HS6ST3: variants seen among roughly 807,000 people sequenced by gnomAD.
HS6ST3 encodes the protein heparan-sulfate 6-O-sulfotransferase 3.
Under a neutral mutation model 36.7 loss-of-function variants are expected in HS6ST3, and 12 were observed. The ratio of observed to expected loss-of-function variants is 0.33; its 90% CI spans 0.21 to 0.53. HS6ST3 has a LOEUF of 0.53. HS6ST3 is among the 20% of genes least tolerant of loss of function. The pLI is 0.95. For synonymous variants in HS6ST3, 240 were observed against 257.5 expected (o/e 0.93, Z 0.65); for missense variants, 584 against 640.9 (o/e 0.91, Z 0.96).
chr13:96,184,294 A>AC (rs1255758128), intron 1 of HS6ST3, among the ~76,000 whole-genome samples: 3 of 152,080 alleles, frequency 2.0e-5, no homozygotes, highest in Non-Finnish European at 2.9e-5. Flanking sequence ...AATTAAAAAA[A>AC]ATTTTTTTAA....
chr13:96,437,908 T>C (rs1382706419), intron 1 of HS6ST3, among the ~76,000 whole-genome samples: 2 of 152,248 alleles, frequency 1.3e-5, no homozygotes, highest in East Asian at 3.8e-4. Flanking sequence ...CTAATTTTTC[T>C]TTCTTGCTTG....
chr13:96,378,036 G>C (rs1014103942), intron 1 of HS6ST3, among the ~76,000 whole-genome samples: 28 of 152,280 alleles, frequency 1.8e-4, no homozygotes, highest in African/African-American at 4.3e-4. Flanking sequence ...AGTCTTGTTA[G>C]TGTCATCTGA....
At chr13:96,779,737 G>T (rs568845816) in intron 1 of HS6ST3, among the ~76,000 whole-genome samples, 2 of 150,400 alleles carry the variant, frequency 1.3e-5, no homozygotes, top group African/African-American at 4.9e-5. Context: ...TGGCTTTGGG[G>T]CTTGTCCCAA....
At chr13:96,248,333 C>T (rs551818797) in intron 1 of HS6ST3, among the ~76,000 whole-genome samples, 2 of 152,236 alleles carry the variant, frequency 1.3e-5, no homozygotes, top group Admixed American at 6.5e-5. Context: ...ATCCTTTTCC[C>T]AGAGGGTTTG....
intron 1 of HS6ST3, among the ~76,000 whole-genome samples, chr13:96,188,289 C>T (rs2054273532): frequency 6.6e-6 from 1 of 152,058 alleles, no homozygotes. Context: ...GAATATTAGT[C>T]TTAATTTTAA....
intron 1 of HS6ST3, among the ~76,000 whole-genome samples, chr13:96,617,655 A>T (rs1008393782): frequency 1.3e-5 from 2 of 152,240 alleles, no homozygotes; most frequent in African/African-American, 4.8e-5. Flanking sequence ...CAAGAGATGA[A>T]CAGGATGCTA....
At chr13:96,335,082 C>G (rs1178613522) in intron 1 of HS6ST3, among the ~76,000 whole-genome samples, 1 of 152,064 alleles carries the variant, frequency 6.6e-6, no homozygotes, top group East Asian at 1.9e-4. Context: ...CCCATGGAGG[C>G]TGAGGATCTT....
intron 1 of HS6ST3, among the ~76,000 whole-genome samples, chr13:96,151,615 A>G (rs549782914): frequency 1.4e-4 from 22 of 152,376 alleles, no homozygotes; most frequent in African/African-American, 4.6e-4. Flanking sequence ...AAAGTGCTAC[A>G]CATTGGGTGG....
intron 1 of HS6ST3, among the ~76,000 whole-genome samples, chr13:96,745,936 C>A (rs978737647): frequency 6.6e-6 from 1 of 151,946 alleles, no homozygotes; most frequent in African/African-American, 2.4e-5. Flanking sequence ...AAAGCCCAGG[C>A]AGTGTGTTGT....
chr13:96,303,483 C>A (rs2054893648), intron 1 of HS6ST3, among the ~76,000 whole-genome samples: 1 of 152,138 alleles, frequency 6.6e-6, no homozygotes, highest in South Asian at 2.1e-4. Flanking sequence ...ATGTTACATT[C>A]ATTTCAATAG....
intron 1 of HS6ST3, among the ~76,000 whole-genome samples, chr13:96,142,366 C>G (rs1594692247): frequency 6.6e-6 from 1 of 152,022 alleles, no homozygotes; most frequent in Admixed American, 6.6e-5. Flanking sequence ...AAGTCATTCT[C>G]CTGGAAAACA....
At chr13:96,205,764 G>T (rs9525150) in intron 1 of HS6ST3, among the ~76,000 whole-genome samples, 75,562 of 151,826 alleles carry the variant, frequency 0.5, 18,962 homozygotes, top group Admixed American at 0.58. Flanking sequence ...AATTCAACAT[G>T]CCTTCATGTT....
chr13:96,309,932 G>A (rs956180382), intron 1 of HS6ST3, among the ~76,000 whole-genome samples: 1 of 151,840 alleles, frequency 6.6e-6, no homozygotes, highest in African/African-American at 2.4e-5. Context: ...TAGGTATAGT[G>A]GATATATAGT....
chr13:96,315,660 A>G (rs536957871), intron 1 of HS6ST3, among the ~76,000 whole-genome samples: 20 of 144,646 alleles, frequency 1.4e-4, no homozygotes, highest in Middle Eastern at 3.8e-3. Context: ...CTGTTACCCA[A>G]TATAACAAAT....
At chr13:96,651,814 A>C (rs1373732498) in intron 1 of HS6ST3, among the ~76,000 whole-genome samples, 1 of 152,072 alleles carries the variant, frequency 6.6e-6, no homozygotes, top group East Asian at 1.9e-4. Flanking sequence ...CCATGTTCTA[A>C]CCTTGGCTCT....
chr13:96,289,103 A>C (rs977595944), intron 1 of HS6ST3, among the ~76,000 whole-genome samples: 1 of 152,226 alleles, frequency 6.6e-6, no homozygotes, highest in South Asian at 2.1e-4. Context: ...AGAAAGCCAC[A>C]GAATTTATAG....
chr13:96,113,651 T>A (rs2053880719), intron 1 of HS6ST3, among the ~76,000 whole-genome samples: 1 of 152,176 alleles, frequency 6.6e-6, no homozygotes, highest in Non-Finnish European at 1.5e-5. Context: ...TATGGTGAAA[T>A]GGGTTCATTT....
At chr13:96,628,219 C>A (rs80185677) in intron 1 of HS6ST3, among the ~76,000 whole-genome samples, 1 of 152,012 alleles carries the variant, frequency 6.6e-6, no homozygotes, top group East Asian at 1.9e-4. Flanking sequence ...TTTTAATGAT[C>A]ATTCAGCAAT....
chr13:96,783,767 TG>T (rs1877578664), intron 1 of HS6ST3, among the ~76,000 whole-genome samples: 1 of 152,018 alleles, frequency 6.6e-6, no homozygotes, highest in African/African-American at 2.4e-5. Context: ...AGATAAGATG[TG>T]ATTCAACAGA....
Sources: allele counts gnomAD v4.1 joint callset (sites outside exome capture counted in the v4.1 genomes callset), GRCh38; gene constraint gnomAD v4.1.1; transcripts MANE v1.5; gene names NCBI Gene and HGNC (gene_info 2026-07-23, HGNC 2026-07-21).